FAM76A: variants seen among roughly 807,000 people sequenced by gnomAD.
FAM76A encodes the protein family with sequence similarity 76 member A.
A neutral mutation model predicts 46.2 loss-of-function variants in FAM76A; 32 were observed. That is an observed-to-expected ratio of 0.69 (90% CI 0.52 to 0.93). The LOEUF (loss-of-function observed/expected upper bound fraction) is 0.93, where lower values mean the gene tolerates loss of function less well. Ranked by LOEUF, FAM76A falls within the 40% of genes least tolerant of loss-of-function variation. The pLI is 0.00. For synonymous variants in FAM76A, 137 were observed against 127.0 expected, an observed-to-expected ratio of 1.08 and a Z score of -0.53; for missense variants, 274 against 361.5, an observed-to-expected ratio of 0.76 and a Z score of 1.96.
At chr1:27,740,577 TG>T (rs1571480103) in intron 4 of FAM76A, 2 of 974,564 alleles carry the variant, frequency 2.1e-6, no homozygotes, top group East Asian at 5.0e-5. Context: ...GTGATTGACT[TG>T]TTAAGAAATA....
At chr1:27,730,832 G>A (rs1422339800) in intron 2 of FAM76A, among the ~76,000 whole-genome samples, 1 of 152,086 alleles carries the variant, frequency 6.6e-6, no homozygotes, top group African/African-American at 2.4e-5. Context: ...TTGTGTGTGT[G>A]TGTGACAGGG....
At chr1:27,755,750 T>G (rs2088400312) in intron 7 of FAM76A, among the ~76,000 whole-genome samples, 1 of 152,088 alleles carries the variant, frequency 6.6e-6, no homozygotes, top group East Asian at 1.9e-4. Context: ...ATTTTTAAAA[T>G]TTTTTGTAGA....
intron 2 of FAM76A, among the ~76,000 whole-genome samples, 188 bp downstream of exon 2, chr1:27,727,724 T>C (rs961342074): frequency 2.6e-5 from 4 of 152,068 alleles, no homozygotes; most frequent in Non-Finnish European, 4.4e-5. Flanking sequence ...AGTTAATTCA[T>C]GTGTGGGGTG....
At chr1:27,755,602 C>T (rs1252735962) in intron 7 of FAM76A, among the ~76,000 whole-genome samples, 3 of 152,154 alleles carry the variant, frequency 2.0e-5, no homozygotes, top group Non-Finnish European at 4.4e-5. Context: ...GAGACAGGGT[C>T]TCAGCTGTGT....
At chr1:27,743,390 G>A (rs182306791) in intron 4 of FAM76A, among the ~76,000 whole-genome samples, 3 of 152,274 alleles carry the variant, frequency 2.0e-5, no homozygotes, top group East Asian at 3.9e-4. Context: ...TTGGGCTCAC[G>A]CAGTCCACCT....
intron 6 of FAM76A, among the ~76,000 whole-genome samples, chr1:27,750,545 C>G (rs2088314483): frequency 6.6e-6 from 1 of 152,214 alleles, no homozygotes; most frequent in Non-Finnish European, 1.5e-5. Flanking sequence ...TTATAAAGGC[C>G]TAAGCCAAGA....
chr1:27,728,954 A>T (rs2087908853), intron 2 of FAM76A, among the ~76,000 whole-genome samples: 2 of 148,122 alleles, frequency 1.4e-5, no homozygotes, highest in Admixed American at 6.8e-5. Flanking sequence ...ACGGGGGGAA[A>T]CTCTGTCTCA....
rs1232045341 is a variant in FAM76A at position 27,761,949 on chromosome 1, A to G, written c.*1368A>G. On this transcript the variant is annotated 3_prime_UTR_variant, in exon 9 of 9. Coordinates refer to ENST00000373954, the MANE Select transcript of FAM76A (RefSeq NM_152660.3). ...CACTGCACTGCAGCCTGGGCAATGGAGTGAGACTCCGTCTCAAAAAAAAAA... is the reference window on the plus strand; with the variant it reads ...CACTGCACTGCAGCCTGGGCAATGGGGTGAGACTCCGTCTCAAAAAAAAAA... 1 of 144,862 alleles carries G rather than the reference A, an allele frequency of 6.9e-6. No homozygotes were observed. Among genetic ancestry groups the G allele is most frequent in the Non-Finnish European group, 1.5e-5 (1 of 67,552 alleles). 9.0% of individuals were successfully genotyped at this position (144,862 alleles called of 1,614,324 possible).
chr1:27,743,673 G>A (rs192783256), intron 4 of FAM76A, among the ~76,000 whole-genome samples: 1 of 152,260 alleles, frequency 6.6e-6, no homozygotes, highest in Non-Finnish European at 1.5e-5. Flanking sequence ...GCTGAGGTGG[G>A]AGGATTGCCT....
In FAM76A at chr1:27,740,221, T is replaced by G; in HGVS notation, c.355-4433T>G. ...ATAGCAGAAGCCAGTCAGTACACCT[T>G]TCATCTTGAGGCTACTAAGTACTCA... On this transcript the variant is annotated intron_variant, in intron 4 of 8. Coordinates refer to ENST00000373954, the MANE Select transcript of FAM76A (RefSeq NM_152660.3). The G allele has an allele frequency of 4.6e-6, 3 of 656,026 alleles. No individual in the cohort carries two copies. The South Asian group carries it at 4.6e-5, about 10-fold the overall frequency. The allele number at this position is 656,026 out of a possible 1,614,324, so 40.6% of individuals were successfully genotyped here.
At chr1:27,748,973 C>T (rs2088290929) in intron 5 of FAM76A, 95 bp from the exon 6 acceptor site, 1 of 711,506 alleles carries the variant, frequency 1.4e-6, no homozygotes, top group Admixed American at 3.3e-5. Flanking sequence ...AGAAGAGCTG[C>T]TGTCTTAACA....
Position 27,726,151 on chromosome 1 carries a change from A to T in FAM76A, c.71A>T (p.Gln24Leu). The change falls in exon 1 of 9, where the codon CAG becomes CTG. Residue 24 changes from glutamine to leucine, a missense_variant. Gln to Leu is a moderately radical substitution (Grantham distance 113). Coordinates refer to ENST00000373954, the MANE Select transcript of FAM76A (RefSeq NM_152660.3). The stretch of plus-strand genomic sequence containing the variant: ...TTCGAGGCGCTGTCTCAGGGGCAGC[A>T]GCTGTGCAAGGTGCGCGGGCTGGGG... ...FPFEALSQGQQLCKECRIAHP... is the reference protein window; with the variant it reads ...FPFEALSQGQLLCKECRIAHP... 1 of 1,300,782 alleles carries T rather than the reference A, an allele frequency of 7.7e-7. No individual in the cohort carries two copies. The highest frequency in any genetic ancestry group is 9.8e-7 in the Non-Finnish European group (1 of 1,020,666). The allele number at this position is 1,300,782 out of a possible 1,614,324, so 80.6% of individuals were successfully genotyped here. A position where few individuals can be genotyped will look rare whatever the true frequency, so the allele number is the denominator to read the frequency against.
At chr1:27,740,705 A>G in intron 4 of FAM76A, 2 of 466,964 alleles carry the variant, frequency 4.3e-6, no homozygotes, top group Non-Finnish European at 3.8e-6. Context: ...CTACCAAATC[A>G]TATTGCAGCT....
At position 27,762,355 on chromosome 1, in the gene FAM76A, A is replaced by G. The variant is rs891412481; in HGVS notation, c.*1774A>G. ...CAACAAAACCAACTACCCTAGAATC[A>G]TTTATGCAGGGGGTACTAGAGTTAG... On this transcript the variant is annotated 3_prime_UTR_variant, in exon 9 of 9. Transcript: ENST00000373954. 1.3e-5 allele frequency: 2 copies of G among 152,184 alleles called. No homozygotes were observed. Among genetic ancestry groups the G allele is most frequent in the African/African-American group, 4.8e-5 (2 of 41,452 alleles). 9.4% of individuals were successfully genotyped at this position (152,184 alleles called of 1,614,324 possible).
At chr1:27,735,539 C>T (rs1229039915) in intron 4 of FAM76A, among the ~76,000 whole-genome samples, 1 of 152,186 alleles carries the variant, frequency 6.6e-6, no homozygotes, top group Non-Finnish European at 1.5e-5. Flanking sequence ...AATTCATTAA[C>T]TTACAATGGA....
At chr1:27,755,765 T>C (rs145455138) in intron 7 of FAM76A, among the ~76,000 whole-genome samples, 7 of 152,226 alleles carry the variant, frequency 4.6e-5, no homozygotes, top group Non-Finnish European at 7.4e-5. Context: ...TGTAGAGACA[T>C]GGTCTTATTA....
chr1:27,742,893 T>C lies in FAM76A; in HGVS notation c.355-1761T>C, dbSNP rs1171245030. Reference sequence around the variant, plus strand: ...GGCCATCGTGGTGAAACTCCGTCTCTACTAAAAATACAAAAAAAAATTAGC... The same window carrying C: ...GGCCATCGTGGTGAAACTCCGTCTCCACTAAAAATACAAAAAAAAATTAGC... On this transcript the variant is annotated intron_variant, in intron 4 of 8. Transcript: ENST00000373954. Among the ~76,000 whole-genome samples, 5 of 152,052 alleles carry C rather than the reference T, an allele frequency of 3.3e-5. No individual in the cohort carries two copies. The East Asian group carries it at 5.8e-4, about 18-fold the overall frequency.
chr1:27,732,482 A>G, intron 2 of FAM76A, 121 bp from the exon 3 acceptor site: 1 of 643,698 alleles, frequency 1.6e-6, no homozygotes. Flanking sequence ...AGCTAGTGTT[A>G]ACCAAGCATC....
At chr1:27,750,023 CAA>C (rs911020648) in intron 6 of FAM76A, among the ~76,000 whole-genome samples, 3 of 152,156 alleles carry the variant, frequency 2.0e-5, no homozygotes, top group African/African-American at 7.2e-5. Flanking sequence ...TGCTTCTCAA[CAA>C]AGTGTTGGGA....
Sources: allele counts gnomAD v4.1 joint callset (sites outside exome capture counted in the v4.1 genomes callset), GRCh38; gene constraint gnomAD v4.1.1; transcripts MANE v1.5; gene names NCBI Gene and HGNC (gene_info 2026-07-23, HGNC 2026-07-21).